The following DCC variants were observed in gnomAD, a reference collection of about 807,000 sequenced individuals.
DCC encodes netrin receptor DCC.
In DCC, 58 loss-of-function variants were observed where a neutral mutation model predicts 172.5. That is an observed-to-expected ratio of 0.34 (90% CI 0.27 to 0.42). The LOEUF (loss-of-function observed/expected upper bound fraction) is 0.42, where lower values mean the gene tolerates loss of function less well. Among genes scored for constraint, DCC ranks in the 10% least tolerant of loss-of-function variants. The pLI is 1.00. For missense variants in DCC, 1,740 were observed against 1,791.0 expected (o/e 0.97, Z 0.51); for synonymous variants, 709 against 644.5 (o/e 1.10, Z -1.52).
At chr18:52,882,923 T>C (rs2039508442) in intron 2 of DCC, among the ~76,000 whole-genome samples, 1 of 152,134 alleles carries the variant, frequency 6.6e-6, no homozygotes, top group Non-Finnish European at 1.5e-5. Context: ...GCTTTATATG[T>C]CTGGGTGCTC....
chr18:53,504,093 T>TTATATTTTATG (rs2046139342), intron 27 of DCC, among the ~76,000 whole-genome samples: 1 of 152,218 alleles, frequency 6.6e-6, no homozygotes, highest in Non-Finnish European at 1.5e-5. Context: ...GGCGTTTGAT[T>TTATATTTTATG]TATATTTTAT....
At chr18:53,227,444 G>A (rs985641563) in intron 12 of DCC, among the ~76,000 whole-genome samples, 3 of 152,028 alleles carry the variant, frequency 2.0e-5, no homozygotes, top group Non-Finnish European at 4.4e-5. Flanking sequence ...GAAAATGATA[G>A]CCTCCATTAG....
intron 5 of DCC, among the ~76,000 whole-genome samples, chr18:53,001,551 T>C (rs2041564587): frequency 6.6e-6 from 1 of 152,156 alleles, no homozygotes; most frequent in Non-Finnish European, 1.5e-5. Flanking sequence ...AAACGTTTTC[T>C]CTTGGATAAC....
chr18:53,317,292 G>A (rs915352355), intron 13 of DCC, among the ~76,000 whole-genome samples: 2 of 152,154 alleles, frequency 1.3e-5, no homozygotes, highest in Admixed American at 6.5e-5. Flanking sequence ...TTATTGATTT[G>A]CATATGTTGT....
chr18:52,930,488 T>C (rs2040291516), intron 5 of DCC, among the ~76,000 whole-genome samples: 1 of 152,138 alleles, frequency 6.6e-6, no homozygotes, highest in Non-Finnish European at 1.5e-5. Context: ...ATTTATTTGC[T>C]CATATCTGAA....
At chr18:52,599,526 ATTATT>A (rs59180152) in intron 1 of DCC, among the ~76,000 whole-genome samples, 4 of 149,840 alleles carry the variant, frequency 2.7e-5, no homozygotes, top group East Asian at 2.0e-4. Flanking sequence ...TTATAAATAT[ATTATT>A]TTATTTTATT....
chr18:53,387,606 G>T (rs1908251275), intron 16 of DCC, among the ~76,000 whole-genome samples: 1 of 152,172 alleles, frequency 6.6e-6, no homozygotes, highest in South Asian at 2.1e-4. Flanking sequence ...TACAAACTAA[G>T]AGCTAACAGA....
intron 12 of DCC, among the ~76,000 whole-genome samples, chr18:53,218,250 T>C (rs2055882728): frequency 6.6e-6 from 1 of 152,146 alleles, no homozygotes; most frequent in Non-Finnish European, 1.5e-5. Context: ...TAGAGCACAA[T>C]TGATTTTTTT....
At chr18:52,359,188 CAG>C (rs373562472) in intron 1 of DCC, among the ~76,000 whole-genome samples, 78 of 152,216 alleles carry the variant, frequency 5.1e-4, no homozygotes, top group African/African-American at 1.8e-3. Context: ...TGAGTTACTG[CAG>C]AGAGATGTCT....
chr18:52,596,136 A>G lies in DCC; in HGVS notation c.92-155918A>G, dbSNP rs561809270. On this transcript the variant is annotated intron_variant, in intron 1 of 28. Transcript: ENST00000442544. ...TTATGGAATAGATCTGGAAGGTACC[A>G]GTCTCTTGTTCACTTCATTTATTTA... Among the ~76,000 whole-genome samples, 5 of 152,324 alleles carry G rather than the reference A, an allele frequency of 3.3e-5. No homozygotes were observed. The East Asian group carries it at 5.8e-4, about 18-fold the overall frequency.
chr18:53,295,978 T>C (rs2144759489), intron 12 of DCC, among the ~76,000 whole-genome samples: 1 of 152,330 alleles, frequency 6.6e-6, no homozygotes, highest in South Asian at 2.1e-4. Context: ...AGGTTCTATT[T>C]GGTACAGTAA....
intron 1 of DCC, among the ~76,000 whole-genome samples, chr18:52,516,810 C>T (rs538670550): frequency 6.7e-4 from 102 of 152,216 alleles, no homozygotes; most frequent in Non-Finnish European, 1.1e-3. Context: ...AAGTAAGTTA[C>T]CTTGTTAAGA....
At chr18:53,354,247 G>A (rs1486062772) in intron 15 of DCC, among the ~76,000 whole-genome samples, 5 of 152,162 alleles carry the variant, frequency 3.3e-5, no homozygotes, top group South Asian at 2.1e-4. Context: ...CTTTATAGCA[G>A]CATGCTTTAT....
chr18:52,753,440 C>T (rs887949934), intron 2 of DCC, among the ~76,000 whole-genome samples: 3 of 152,120 alleles, frequency 2.0e-5, no homozygotes, highest in African/African-American at 4.8e-5. Flanking sequence ...GAGGACTTCT[C>T]ATTAACAGAA....
chr18:52,442,957 T>A (rs1167191076), intron 1 of DCC, among the ~76,000 whole-genome samples: 1 of 151,442 alleles, frequency 6.6e-6, no homozygotes, highest in African/African-American at 2.4e-5. Context: ...TTTCAGGGGA[T>A]GCTTCTCATG....
Position 52,830,150 on chromosome 18 carries a change from A to G in DCC, c.413-75894A>G, listed in dbSNP as rs2038587226. ...AGGAAGAGAGGAAGATGCAGTGGAGATACAATAGGAAGCCAAATAGTATAA... is the reference window on the plus strand; with the variant it reads ...AGGAAGAGAGGAAGATGCAGTGGAGGTACAATAGGAAGCCAAATAGTATAA... On this transcript the variant is annotated intron_variant, in intron 2 of 28. Transcript: ENST00000442544. Among the ~76,000 whole-genome samples the G allele has an allele frequency of 2.0e-5, 3 of 152,302 alleles. No homozygotes were observed. In the South Asian group the frequency reaches 6.2e-4, roughly 32 times the overall value.
intron 21 of DCC, among the ~76,000 whole-genome samples, chr18:53,434,386 CA>C (rs1346103206): frequency 6.6e-6 from 1 of 151,998 alleles, no homozygotes; most frequent in Admixed American, 6.6e-5. Flanking sequence ...ATGAATGCAC[CA>C]GTAGAGAAAA....
chr18:52,387,461 T>C (rs1985846017), intron 1 of DCC, among the ~76,000 whole-genome samples: 1 of 152,136 alleles, frequency 6.6e-6, no homozygotes, highest in South Asian at 2.1e-4. Flanking sequence ...AATCTCCTTC[T>C]GCAAGCCCTT....
chr18:53,491,440 C>T (rs755471336), intron 26 of DCC, among the ~76,000 whole-genome samples: 1 of 152,056 alleles, frequency 6.6e-6, no homozygotes, highest in Non-Finnish European at 1.5e-5. Context: ...TATACACGTG[C>T]CATGGTGGTT....
Sources: allele counts gnomAD v4.1 joint callset (sites outside exome capture counted in the v4.1 genomes callset), GRCh38; gene constraint gnomAD v4.1.1; transcripts MANE v1.5; gene names NCBI Gene and HGNC (gene_info 2026-07-23, HGNC 2026-07-21).